NPAS2: variants seen among roughly 807,000 people sequenced by gnomAD.
The protein encoded by NPAS2 is neuronal PAS domain protein 2, also known as neuronal PAS domain-containing protein 2.
NPAS2 carries 23 observed loss-of-function variants against 107.5 expected under a neutral mutation model. The ratio of observed to expected loss-of-function variants is 0.21; its 90% CI spans 0.15 to 0.30. NPAS2 has a LOEUF of 0.30. Among genes scored for constraint, NPAS2 ranks in the 10% least tolerant of loss-of-function variants. The pLI is 1.00. For synonymous variants in NPAS2, 403 were observed against 417.5 expected, an observed-to-expected ratio of 0.97 and a Z score of 0.42; for missense variants, 756 against 1,043.3, an observed-to-expected ratio of 0.72 and a Z score of 3.79.
chr2:100,969,351 C>G (rs753824156), intron 11 of NPAS2, among the ~76,000 whole-genome samples: 1 of 152,140 alleles, frequency 6.6e-6, no homozygotes, highest in African/African-American at 2.4e-5. Context: ...CTCCACTTGT[C>G]CCCTACCACC....
intron 1 of NPAS2, among the ~76,000 whole-genome samples, chr2:100,890,207 T>C (rs1208316690): frequency 6.6e-6 from 1 of 152,176 alleles, no homozygotes; most frequent in Non-Finnish European, 1.5e-5. Context: ...GTATAATGCC[T>C]CTGCAAGGCA....
intron 1 of NPAS2, among the ~76,000 whole-genome samples, chr2:100,887,362 G>T (rs1680760901): frequency 6.6e-6 from 1 of 152,190 alleles, no homozygotes; most frequent in Admixed American, 6.5e-5. Context: ...CTCCTCCGTG[G>T]CATGGGGCCT....
chr2:100,937,666 T>G, intron 4 of NPAS2, 87 bp from the exon 5 acceptor site: 1 of 910,938 alleles, frequency 1.1e-6, no homozygotes, highest in Non-Finnish European at 1.8e-6. Context: ...ACAAAGCCAG[T>G]GTCCTAAAAT....
At chr2:100,851,036 A>G (rs141006336) in intron 1 of NPAS2, among the ~76,000 whole-genome samples, 192 of 151,564 alleles carry the variant, frequency 1.3e-3, no homozygotes, top group South Asian at 3.8e-3. Flanking sequence ...ACACTATGCT[A>G]AGTGAAATAA....
At chr2:100,819,564 C>A (rs1675926875), upstream of NPAS2, among the ~76,000 whole-genome samples, 1 of 152,182 alleles carries the variant, frequency 6.6e-6, no homozygotes, top group Non-Finnish European at 1.5e-5. The surrounding 1 kb of genome is among the most constrained non-coding windows in gnomAD (Gnocchi z 5.8). Flanking sequence ...TCGAGACCTG[C>A]GCGCAACCCT....
intron 1 of NPAS2, among the ~76,000 whole-genome samples, chr2:100,861,756 C>CT (rs1199661722): frequency 6.6e-6 from 1 of 152,152 alleles, no homozygotes; most frequent in African/African-American, 2.4e-5. Context: ...TTTCCCTTTG[C>CT]AATGCTTGGC....
At chr2:100,989,754 T>C (rs1678001997) in intron 17 of NPAS2, 1 of 152,842 alleles carries the variant, frequency 6.5e-6, no homozygotes, top group Non-Finnish European at 1.5e-5. Context: ...AATTATAGTA[T>C]GTGCAATGGT....
At position 100,904,653 on chromosome 2, in the gene NPAS2, A is replaced by C. The variant is rs144093359; in HGVS notation, c.-22-80A>C. On this transcript the variant is annotated intron_variant, in intron 1 of 20. Transcript: ENST00000335681. Reference sequence around the variant, plus strand: ...ACTGGGCTAAGACCAAAATGACAACAACCTGAAAGACTTTTAAGAAAGATG... The same window carrying C: ...ACTGGGCTAAGACCAAAATGACAACCACCTGAAAGACTTTTAAGAAAGATG... 738 of 1,083,334 alleles carry C rather than the reference A, an allele frequency of 6.8e-4. 7 individuals carry two copies. The African/African-American group carries it at 0.011, about 15-fold the overall frequency. 67.1% of individuals were successfully genotyped at this position (1,083,334 alleles called of 1,614,324 possible).
chr2:100,908,478 T>TG (rs1402500909), intron 2 of NPAS2, among the ~76,000 whole-genome samples: 2 of 152,142 alleles, frequency 1.3e-5, no homozygotes, highest in Non-Finnish European at 2.9e-5. Context: ...ACACATCTGT[T>TG]TCTAAAGTCT....
At chr2:100,904,909 C>A in intron 2 of NPAS2, 123 bp downstream of exon 2, 1 of 717,942 alleles carries the variant, frequency 1.4e-6, no homozygotes, top group South Asian at 1.7e-5. Flanking sequence ...AGCTGTAGGA[C>A]ACACTCTCTG....
chr2:100,927,169 C>T (rs568782335), intron 3 of NPAS2, among the ~76,000 whole-genome samples: 3 of 152,086 alleles, frequency 2.0e-5, no homozygotes, highest in African/African-American at 4.8e-5. Flanking sequence ...CTCCTGACCT[C>T]GTGATTCACC....
intron 3 of NPAS2, among the ~76,000 whole-genome samples, chr2:100,925,797 A>G (rs1198470979): frequency 6.6e-6 from 1 of 152,244 alleles, no homozygotes; most frequent in African/African-American, 2.4e-5. Context: ...TTATTGAGAT[A>G]TAATGTTTAT....
At chr2:100,911,742 C>T (rs1682562002) in intron 2 of NPAS2, among the ~76,000 whole-genome samples, 1 of 152,160 alleles carries the variant, frequency 6.6e-6, no homozygotes, top group Admixed American at 6.5e-5. Context: ...AGCCATCCTC[C>T]TGTCTCAGCC....
chr2:100,840,759 C>A (rs145386534), intron 1 of NPAS2, among the ~76,000 whole-genome samples: 1 of 152,096 alleles, frequency 6.6e-6, no homozygotes, highest in South Asian at 2.1e-4. Context: ...CATTGAGAAC[C>A]ATATCCATCA....
intron 1 of NPAS2, among the ~76,000 whole-genome samples, chr2:100,866,318 C>T (rs1679253647): frequency 6.6e-6 from 1 of 152,172 alleles, no homozygotes. Flanking sequence ...ATTTTATTCC[C>T]CTCCCTGTAA....
At chr2:100,838,421 G>A (rs574709115) in intron 1 of NPAS2, among the ~76,000 whole-genome samples, 74 of 152,142 alleles carry the variant, frequency 4.9e-4, no homozygotes, top group African/African-American at 1.6e-3. Flanking sequence ...GGGATTACAG[G>A]CACCCACCAC....
chr2:100,837,684 A>G (rs1477226591), intron 1 of NPAS2, among the ~76,000 whole-genome samples: 1 of 152,132 alleles, frequency 6.6e-6, no homozygotes, highest in Non-Finnish European at 1.5e-5. Flanking sequence ...CTACCTGGAA[A>G]ATACTTGGGG....
chr2:100,893,648 A>T (rs1681226000), intron 1 of NPAS2, among the ~76,000 whole-genome samples: 1 of 152,248 alleles, frequency 6.6e-6, no homozygotes, highest in South Asian at 2.1e-4. Flanking sequence ...AAATTAAAAG[A>T]CACTGAAGAG....
chr2:100,857,864 A>C (rs1291556900), intron 1 of NPAS2, among the ~76,000 whole-genome samples: 1 of 152,236 alleles, frequency 6.6e-6, no homozygotes, highest in Non-Finnish European at 1.5e-5. Flanking sequence ...GGTCTCTCTT[A>C]TGTCTGCTTC....
Sources: allele counts gnomAD v4.1 joint callset (sites outside exome capture counted in the v4.1 genomes callset), GRCh38; gene constraint gnomAD v4.1.1; non-coding constraint Gnocchi (gnomAD v3.1); transcripts MANE v1.5; gene names NCBI Gene and HGNC (gene_info 2026-07-23, HGNC 2026-07-21).